Variants in GRIN2A observed in about 807,000 individuals in gnomAD.
The protein encoded by GRIN2A is glutamate receptor ionotropic, NMDA 2A.
GRIN2A carries 22 observed loss-of-function variants against 113.4 expected under a neutral mutation model. The ratio of observed to expected loss-of-function variants is 0.19; its 90% CI spans 0.14 to 0.28. GRIN2A has a LOEUF of 0.28. Ranked by LOEUF, GRIN2A falls within the 10% of genes least tolerant of loss-of-function variation. The pLI is 1.00. For synonymous variants in GRIN2A, 827 were observed against 738.4 expected, an observed-to-expected ratio of 1.12 and a Z score of -1.94; for missense variants, 1,502 against 1,887.0, an observed-to-expected ratio of 0.80 and a Z score of 3.78.
chr16:9,889,217 A>G (rs2043645521), intron 4 of GRIN2A, among the ~76,000 whole-genome samples: 2 of 152,188 alleles, frequency 1.3e-5, no homozygotes, highest in South Asian at 4.1e-4. Context: ...GAATTTGCCC[A>G]TTTTATCTAT....
chr16:9,942,373 G>A (rs540190044), intron 2 of GRIN2A, among the ~76,000 whole-genome samples: 85 of 152,188 alleles, frequency 5.6e-4, no homozygotes, highest in Non-Finnish European at 8.8e-4. Flanking sequence ...CTGAGGGACT[G>A]TGGCTAACCT....
At chr16:9,841,977 T>C (rs1317687459) in intron 5 of GRIN2A, among the ~76,000 whole-genome samples, 1 of 152,094 alleles carries the variant, frequency 6.6e-6, no homozygotes, top group East Asian at 1.9e-4. Context: ...GGAGGCCGGG[T>C]ATGGTGGCTC....
At chr16:10,088,216 A>G (rs1567289559) in intron 2 of GRIN2A, among the ~76,000 whole-genome samples, 2 of 152,136 alleles carry the variant, frequency 1.3e-5, no homozygotes. Context: ...CCTCTGTTAG[A>G]GTCTCCCAGA....
chr16:10,089,874 T>C (rs1459266327), intron 2 of GRIN2A, among the ~76,000 whole-genome samples: 1 of 152,120 alleles, frequency 6.6e-6, no homozygotes, highest in African/African-American at 2.4e-5. Flanking sequence ...GGAGCTATGA[T>C]GGGTGGGAAA....
At chr16:9,847,936 A>T (rs11649123) in intron 5 of GRIN2A, among the ~76,000 whole-genome samples, 97,528 of 145,386 alleles carry the variant, frequency 0.67, 33,428 homozygotes, top group African/African-American at 0.79. Flanking sequence ...TATATATATA[A>T]AAATATATAT....
chr16:9,897,208 A>G (rs1051922001), intron 3 of GRIN2A, among the ~76,000 whole-genome samples: 6 of 136,732 alleles, frequency 4.4e-5, no homozygotes, highest in African/African-American at 1.8e-4. Flanking sequence ...ATATTTACAT[A>G]TTTTATATAT....
In GRIN2A at chr16:9,898,756, T is replaced by C. The variant is rs1331542316; in HGVS notation, c.1008-7656A>G. Among the ~76,000 whole-genome samples the C allele has an allele frequency of 2.6e-5, 4 of 152,062 alleles. No individual in the cohort carries two copies. The East Asian group carries it at 5.8e-4, about 22-fold the overall frequency. Reference sequence around the variant, plus strand: ...CACAGTCAGTTTTCTTTAACCTCTTTTCAATTCTCAAGATACTTTCATTTT... The same window carrying C: ...CACAGTCAGTTTTCTTTAACCTCTTCTCAATTCTCAAGATACTTTCATTTT... On this transcript the variant is annotated intron_variant, in intron 3 of 12. Transcript: ENST00000330684.
At position 9,768,989 on chromosome 16, in the gene GRIN2A, G is replaced by A. The variant is rs750219908; in HGVS notation, c.2457C>T (p.Gly819=). 3.1e-6 allele frequency: 5 copies of A among 1,613,684 alleles called. No homozygotes were observed. In the African/African-American group the frequency reaches 5.3e-5, roughly 17 times the overall value. ...SSQLDIDNMA[G]VFYMLAAAMA... ...TGGCGGCAGCCAGCATGTAGAATAC[G>A]CCCGCCATGTTGTCAATGTCCAGCT... Residue 819 remains glycine, a synonymous_variant, in exon 12 of 13, where the codon GGC becomes GGT. Transcript: ENST00000330684.
At chr16:10,067,662 A>G (rs971560212) in intron 2 of GRIN2A, among the ~76,000 whole-genome samples, 1 of 152,060 alleles carries the variant, frequency 6.6e-6, no homozygotes, top group African/African-American at 2.4e-5. Context: ...GTGGGCAGGG[A>G]TTGGAGTAGA....
intron 2 of GRIN2A, among the ~76,000 whole-genome samples, chr16:10,173,110 T>C (rs977075604): frequency 6.6e-6 from 1 of 152,226 alleles, no homozygotes; most frequent in African/African-American, 2.4e-5. Flanking sequence ...GGACGCCTGT[T>C]GGTCTCTGAT....
At chr16:10,097,976 C>CA (rs1315563883) in intron 2 of GRIN2A, among the ~76,000 whole-genome samples, 1 of 151,912 alleles carries the variant, frequency 6.6e-6, no homozygotes, top group Non-Finnish European at 1.5e-5. Flanking sequence ...TCTGCACAGC[C>CA]AAAAGAACAG....
chr16:9,958,381 T>C (rs1596362390), intron 2 of GRIN2A, among the ~76,000 whole-genome samples: 1 of 151,978 alleles, frequency 6.6e-6, no homozygotes, highest in East Asian at 1.9e-4. Context: ...AGACCGTGAA[T>C]TGCCAAATTT....
intron 2 of GRIN2A, among the ~76,000 whole-genome samples, chr16:10,141,524 T>C (rs987342876): frequency 6.6e-6 from 1 of 151,910 alleles, no homozygotes; most frequent in Non-Finnish European, 1.5e-5. Flanking sequence ...ACACAATGAA[T>C]ACAGAGAAGA....
chr16:10,080,303 T>A (rs1210048845), intron 2 of GRIN2A, among the ~76,000 whole-genome samples: 1 of 152,202 alleles, frequency 6.6e-6, no homozygotes, highest in Non-Finnish European at 1.5e-5. Flanking sequence ...ACCTTATCTT[T>A]AAGCCACCAA....
At position 9,768,897 on chromosome 16, in the gene GRIN2A, G is replaced by A. The variant is rs1060503230; in HGVS notation, c.2549C>T (p.Thr850Met). ...LFYWKLRFCF[T>M]GVCSDRPGLL... is the part of the protein sequence containing the mutation. ...CCCAGGCCGGTCGGAGCACACGCCC[G>A]TGAAACAGAAGCGCAGCTTCCAGTA... Residue 850 changes from threonine (T) to methionine (M), a missense_variant, in exon 12 of 13, where the codon ACG becomes ATG. Transcript: ENST00000330684. 6 of 1,614,224 alleles carry A rather than the reference G, an allele frequency of 3.7e-6. No homozygotes were observed. Among genetic ancestry groups the A allele is most frequent in the Admixed American group, 1.7e-5 (1 of 60,036 alleles).
At chr16:10,147,537 G>A (rs1475414893) in intron 2 of GRIN2A, among the ~76,000 whole-genome samples, 2 of 150,696 alleles carry the variant, frequency 1.3e-5, no homozygotes, top group Non-Finnish European at 2.9e-5. Flanking sequence ...TCAGGAGCCT[G>A]AGGTGGGAGG....
At chr16:9,813,346 T>C (rs957032323) in intron 10 of GRIN2A, among the ~76,000 whole-genome samples, 3 of 152,094 alleles carry the variant, frequency 2.0e-5, no homozygotes, top group Non-Finnish European at 2.9e-5. Context: ...AAGAATGAAA[T>C]GCAGGAAAAA....
chr16:10,026,638 T>C (rs181709995), intron 2 of GRIN2A, among the ~76,000 whole-genome samples: 138 of 144,434 alleles, frequency 9.6e-4, no homozygotes, highest in African/African-American at 3.5e-3. Context: ...ACAGTCAAGC[T>C]GGGGGGCACT....
At chr16:9,775,290 G>C (rs568901394) in intron 11 of GRIN2A, among the ~76,000 whole-genome samples, 11 of 152,268 alleles carry the variant, frequency 7.2e-5, no homozygotes, top group African/African-American at 2.4e-4. Context: ...GTTCTGAGAA[G>C]CTGAGTTCGA....
Sources: allele counts gnomAD v4.1 joint callset (sites outside exome capture counted in the v4.1 genomes callset), GRCh38; gene constraint gnomAD v4.1.1; transcripts MANE v1.5; gene names NCBI Gene and HGNC (gene_info 2026-07-23, HGNC 2026-07-21).